Variants in CCDC149 observed in about 807,000 individuals in gnomAD.
The protein encoded by CCDC149 is coiled-coil domain containing 149, also known as coiled-coil domain-containing protein 149.
Under a neutral mutation model 59.9 loss-of-function variants are expected in CCDC149, and 45 were observed. The ratio of observed to expected loss-of-function variants is 0.75; its 90% confidence interval spans 0.59 to 0.96. CCDC149 has a LOEUF of 0.96. Ranked by LOEUF, CCDC149 falls within the 40% of genes least tolerant of loss-of-function variation. The pLI is 0.00. For synonymous variants in CCDC149, 245 were observed against 260.6 expected, an observed-to-expected ratio of 0.94 and a Z score of 0.58; for missense variants, 584 against 664.7, an observed-to-expected ratio of 0.88 and a Z score of 1.33.
At chr4:24,889,941 G>T (rs3915260) in intron 1 of CCDC149, among the ~76,000 whole-genome samples, 17,853 of 152,200 alleles carry the variant, frequency 0.12, 1,150 homozygotes, top group African/African-American at 0.17. Flanking sequence ...GGAGGCAAAG[G>T]GGACCTGTAA....
At chr4:24,866,566 G>A (rs913746597) in intron 3 of CCDC149, among the ~76,000 whole-genome samples, 4 of 152,092 alleles carry the variant, frequency 2.6e-5, no homozygotes, top group African/African-American at 9.7e-5. Context: ...ACTTCTGCCT[G>A]AAGTCACAAG....
intron 3 of CCDC149, among the ~76,000 whole-genome samples, chr4:24,853,717 TA>T (rs1225715286): frequency 6.6e-6 from 1 of 152,186 alleles, no homozygotes; most frequent in African/African-American, 2.4e-5. Context: ...CTTGTTTGGA[TA>T]GCTTCTTATT....
intron 12 of CCDC149, among the ~76,000 whole-genome samples, chr4:24,816,693 CTTA>C (rs1190500140): frequency 2.6e-5 from 4 of 152,020 alleles, no homozygotes; most frequent in African/African-American, 4.8e-5. Flanking sequence ...ATCATTAACA[CTTA>C]TTATTAATAA....
At chr4:24,896,424 T>C (rs530288363) in intron 1 of CCDC149, among the ~76,000 whole-genome samples, 19 of 152,236 alleles carry the variant, frequency 1.2e-4, no homozygotes, top group Admixed American at 1.2e-3. Context: ...GAGAAGACCA[T>C]AGGGGCCAAA....
chr4:24,919,765 A>T (rs1276950140), intron 1 of CCDC149, among the ~76,000 whole-genome samples: 3 of 152,232 alleles, frequency 2.0e-5, no homozygotes, highest in African/African-American at 7.2e-5. Context: ...TGTCACCTCC[A>T]CCATGGGCGG....
At chr4:24,836,850 T>C (rs1280949698) in intron 6 of CCDC149, among the ~76,000 whole-genome samples, 1 of 152,144 alleles carries the variant, frequency 6.6e-6, no homozygotes, top group Non-Finnish European at 1.5e-5. Flanking sequence ...AACATTAAGT[T>C]AGACACACAC....
chr4:24,959,791 A>T (rs1723584412), intron 1 of CCDC149, among the ~76,000 whole-genome samples: 1 of 152,234 alleles, frequency 6.6e-6, no homozygotes, highest in Non-Finnish European at 1.5e-5. Flanking sequence ...ATCAGTCTAG[A>T]ATTCTATCCC....
intron 12 of CCDC149, among the ~76,000 whole-genome samples, chr4:24,819,095 G>T (rs1715194730): frequency 6.6e-6 from 1 of 152,202 alleles, no homozygotes; most frequent in South Asian, 2.1e-4. Context: ...AGAACACCCT[G>T]CCTCCAGAAC....
intron 12 of CCDC149, among the ~76,000 whole-genome samples, chr4:24,814,273 A>T (rs1714860431): frequency 6.6e-6 from 1 of 152,204 alleles, no homozygotes; most frequent in Admixed American, 6.5e-5. Flanking sequence ...CTTGCTTTTT[A>T]AAAAAATAGC....
At chr4:24,878,978 T>C (rs1025392785) in intron 1 of CCDC149, among the ~76,000 whole-genome samples, 3 of 152,230 alleles carry the variant, frequency 2.0e-5, no homozygotes, top group Non-Finnish European at 4.4e-5. Context: ...CTGAGATACC[T>C]GGTAGAAAAC....
chr4:24,921,518 C>CAAG (rs1722295101), intron 1 of CCDC149, among the ~76,000 whole-genome samples: 1 of 152,214 alleles, frequency 6.6e-6, no homozygotes, highest in South Asian at 2.1e-4. Context: ...ATCAAGTTGA[C>CAAG]AAGACCTTAA....
At chr4:24,880,232 G>A (rs1719756919) in intron 1 of CCDC149, among the ~76,000 whole-genome samples, 1 of 152,208 alleles carries the variant, frequency 6.6e-6, no homozygotes, top group Non-Finnish European at 1.5e-5. Flanking sequence ...TGTTACAATT[G>A]CCTTGTATTC....
chr4:24,917,651 C>T (rs6826044), upstream of CCDC149, among the ~76,000 whole-genome samples: 4 of 152,026 alleles, frequency 2.6e-5, no homozygotes, highest in Non-Finnish European at 4.4e-5. Context: ...AGCGGAAAAC[C>T]GTGGGCGTCG....
intron 12 of CCDC149, 81 bp downstream of exon 12, chr4:24,819,778 G>A (rs1017477239): frequency 6.2e-6 from 6 of 964,082 alleles, no homozygotes; most frequent in African/African-American, 4.9e-5. Context: ...AAGGGGAAGG[G>A]GAAGAGACCG....
chr4:24,960,994 C>A (rs917828556), intron 1 of CCDC149, among the ~76,000 whole-genome samples: 6 of 152,074 alleles, frequency 3.9e-5, no homozygotes, highest in African/African-American at 1.4e-4. Context: ...GTGCTAAAAC[C>A]AAAAGAATCC....
chr4:24,822,870 G>C, intron 9 of CCDC149: 1 of 226,034 alleles, frequency 4.4e-6, no homozygotes, highest in East Asian at 8.8e-5. Context: ...CAAATCATTT[G>C]ATGGAATTTC....
rs1401204182 is a variant in CCDC149 at position 24,808,369 on chromosome 4, G to T, written c.*20C>A. 1.4e-6 allele frequency: 2 copies of T among 1,440,046 alleles called. No homozygotes were observed. Among genetic ancestry groups the T allele is most frequent in the African/African-American group, 2.9e-5 (2 of 69,614 alleles). 89.2% of individuals were successfully genotyped at this position (1,440,046 alleles called of 1,614,324 possible). A position where few individuals can be genotyped will look rare whatever the true frequency, so the allele number is the denominator to read the frequency against. ...TCTCTGGGGCTTTCAATGTGTCATT[G>T]TGTCAGATCCCTCTCCCCTTCAGGT... On this transcript the variant is annotated 3_prime_UTR_variant, in exon 13 of 13. Coordinates refer to ENST00000635206, the MANE Select transcript of CCDC149 (RefSeq NM_001330643.2).
intron 1 of CCDC149, among the ~76,000 whole-genome samples, chr4:24,883,018 C>G (rs941151083): frequency 6.6e-6 from 1 of 152,206 alleles, no homozygotes; most frequent in Non-Finnish European, 1.5e-5. Context: ...CCTGTCCCCC[C>G]AGCCTCCTAA....
At chr4:24,973,588 G>A (rs1724048013) in intron 1 of CCDC149, among the ~76,000 whole-genome samples, 1 of 152,246 alleles carries the variant, frequency 6.6e-6, no homozygotes, top group Non-Finnish European at 1.5e-5. Flanking sequence ...ATGCTTGAGA[G>A]TGAGGCCAAC....
Sources: gnomAD v4.1 joint callset for allele counts (sites outside exome capture counted in the v4.1 genomes callset) on GRCh38, gnomAD v4.1.1 for gene constraint, MANE v1.5 for transcripts, NCBI Gene and HGNC (gene_info 2026-07-23, HGNC 2026-07-21) for gene names.